SLC26A7: variants seen among roughly 807,000 people sequenced by gnomAD.
The protein encoded by SLC26A7 is solute carrier family 26 member 7, also known as anion exchange transporter.
Under a neutral mutation model 82.5 loss-of-function variants are expected in SLC26A7, and 59 were observed. That is an observed-to-expected ratio of 0.72 (90% CI 0.58 to 0.89). The LOEUF is 0.89. Ranked by LOEUF, SLC26A7 falls within the 40% of genes least tolerant of loss-of-function variation. The pLI is 0.00. For missense variants in SLC26A7, 820 were observed against 793.0 expected, an observed-to-expected ratio of 1.03 and a Z score of -0.41; for synonymous variants, 271 against 274.3, an observed-to-expected ratio of 0.99 and a Z score of 0.12.
At chr8:91,297,335 C>G (rs1812043954) in intron 4 of SLC26A7, among the ~76,000 whole-genome samples, 1 of 151,284 alleles carries the variant, frequency 6.6e-6, no homozygotes, top group Non-Finnish European at 1.5e-5. Flanking sequence ...ATCAGGTATT[C>G]TGTTATTATC....
rs771662668 is a variant in SLC26A7 at position 91,218,966 on chromosome 8, G to A, written c.-73G>A. The A allele has an allele frequency of 2.0e-5, 31 of 1,550,758 alleles. No individual in the cohort carries two copies. Among genetic ancestry groups the A allele is most frequent in the South Asian group, 3.6e-5 (3 of 83,994 alleles). ...TGTTCTTACAAATGTTTTACTCAAC[G>A]TGACCCTAACCTCTTTGGAATTGCT... is the stretch of plus-strand genomic sequence containing the variant. On this transcript the variant is annotated 5_prime_UTR_variant, in exon 2 of 6. Coordinates refer to the SLC26A7 transcript ENST00000522862.
At chr8:91,280,972 C>T (rs1442196053) in intron 2 of SLC26A7, among the ~76,000 whole-genome samples, 2 of 152,170 alleles carry the variant, frequency 1.3e-5, no homozygotes, top group African/African-American at 2.4e-5. Flanking sequence ...TTCCTAACTG[C>T]TCTTTCTGTC....
intron 5 of SLC26A7, among the ~76,000 whole-genome samples, chr8:91,333,913 G>T (rs1203477440): frequency 6.6e-6 from 1 of 152,068 alleles, no homozygotes; most frequent in East Asian, 1.9e-4. Context: ...TTGCTTCTGG[G>T]GTTTGAGGAG....
chr8:91,226,045 ATG>A (rs1301295589), intron 2 of SLC26A7, among the ~76,000 whole-genome samples: 1 of 151,952 alleles, frequency 6.6e-6, no homozygotes, highest in Non-Finnish European at 1.5e-5. Flanking sequence ...TCTCAAAACC[ATG>A]TGTTGCAGAG....
At chr8:91,348,477 A>G in intron 9 of SLC26A7, 1 of 456,230 alleles carries the variant, frequency 2.2e-6, no homozygotes, top group Non-Finnish European at 2.9e-6. Context: ...TGAGAACATA[A>G]CAAGAATAAA....
chr8:91,274,493 A>C (rs1270064959), intron 2 of SLC26A7, among the ~76,000 whole-genome samples: 2 of 152,218 alleles, frequency 1.3e-5, no homozygotes, highest in Non-Finnish European at 2.9e-5. Flanking sequence ...AGAAAGAGAG[A>C]GAGGAAGAAA....
intron 4 of SLC26A7, among the ~76,000 whole-genome samples, chr8:91,302,474 T>A (rs1171970775): frequency 6.6e-6 from 1 of 152,152 alleles, no homozygotes; most frequent in Non-Finnish European, 1.5e-5. Context: ...ATTGCTAGTA[T>A]AAACAAAGTG....
rs1203887788 is a variant in SLC26A7, at chr8:91,383,775, C to G, written c.1676-5563C>G. The stretch of plus-strand genomic sequence containing the variant: ...GACTTGCTGGGTCTACCTCCACTGC[C>G]TAGTCATCTACTTAACTTCCAATCA... On this transcript the variant is annotated intron_variant, in intron 15 of 18. Transcript: ENST00000276609. 3.3e-5 allele frequency among the ~76,000 whole-genome samples: 5 copies of G among 152,292 alleles called. 1 individual carries two copies. The South Asian group carries it at 8.3e-4, about 25-fold the overall frequency.
At chr8:91,279,141 A>ATATATATATATG (rs1811494038) in intron 2 of SLC26A7, among the ~76,000 whole-genome samples, 1 of 108,698 alleles carries the variant, frequency 9.2e-6, no homozygotes, top group Non-Finnish European at 1.9e-5. Flanking sequence ...ATATATATAT[A>ATATATATATATG]TATATATATA....
At chr8:91,350,525 C>T (rs1006479414) in intron 9 of SLC26A7, among the ~76,000 whole-genome samples, 1 of 151,910 alleles carries the variant, frequency 6.6e-6, no homozygotes, top group African/African-American at 2.4e-5. Context: ...CTTTTGTAGT[C>T]AATTCTTTGC....
intron 4 of SLC26A7, among the ~76,000 whole-genome samples, chr8:91,317,999 AAATT>A (rs1174179890): frequency 6.9e-6 from 1 of 145,932 alleles, no homozygotes; most frequent in Non-Finnish European, 1.5e-5. Flanking sequence ...AAATAAAATT[AAATT>A]AAAAAAAAAA....
intron 11 of SLC26A7, among the ~76,000 whole-genome samples, chr8:91,361,781 A>G (rs1278492814): frequency 6.6e-6 from 1 of 152,128 alleles, no homozygotes; most frequent in African/African-American, 2.4e-5. Flanking sequence ...CTGATATTTT[A>G]GCTTTCATAA....
At chr8:91,375,547 A>G (rs558233578) in intron 15 of SLC26A7, among the ~76,000 whole-genome samples, 2 of 152,102 alleles carry the variant, frequency 1.3e-5, no homozygotes, top group Non-Finnish European at 2.9e-5. Flanking sequence ...AAGGCTAAAA[A>G]CAGACCCCCA....
At chr8:91,217,009 T>A (rs1193986571) in intron 1 of SLC26A7, among the ~76,000 whole-genome samples, 1 of 152,166 alleles carries the variant, frequency 6.6e-6, no homozygotes, top group Non-Finnish European at 1.5e-5. Context: ...ACCTTTTTCT[T>A]ATATTGTGAA....
At chr8:91,382,087 C>G (rs1234249402) in intron 15 of SLC26A7, among the ~76,000 whole-genome samples, 2 of 152,068 alleles carry the variant, frequency 1.3e-5, no homozygotes, top group East Asian at 3.9e-4. Context: ...CCTCAGAATC[C>G]TCTCAACATG....
At chr8:91,360,800 C>T (rs1455028278) in intron 11 of SLC26A7, among the ~76,000 whole-genome samples, 11 of 152,128 alleles carry the variant, frequency 7.2e-5, no homozygotes, top group African/African-American at 1.7e-4. Context: ...CTGCCACACT[C>T]GGGCAGATTC....
In SLC26A7 at chr8:91,243,217, TA is replaced by T. The variant is rs1378551484; in HGVS notation, c.-33-6400del. Reference sequence around the variant, plus strand: ...TGGACAGTTTAAAAGCCATATTACATAATAGATAACTTCCATCTCTAGCCAG... The same window carrying T: ...TGGACAGTTTAAAAGCCATATTACATATAGATAACTTCCATCTCTAGCCAG... On this transcript the variant is annotated intron_variant, in intron 2 of 5. Transcript: ENST00000522862. 7.2e-5 allele frequency among the ~76,000 whole-genome samples: 11 copies of T among 152,282 alleles called. No individual in the cohort carries two copies. In the East Asian group the frequency reaches 1.7e-3, roughly 24 times the overall value.
At position 91,395,083 on chromosome 8, in the gene SLC26A7, C is replaced by G; in HGVS notation, c.1957C>G (p.His653Asp). 6.2e-6 allele frequency: 10 copies of G among 1,613,404 alleles called. No homozygotes were observed. Among genetic ancestry groups the G allele is most frequent in the Non-Finnish European group, 8.5e-6 (10 of 1,179,402 alleles). Residue 653 changes from histidine (H) to aspartate (D), a missense_variant, in exon 19 of 19, where the codon CAC (histidine) becomes GAC (aspartate). Transcript: ENST00000276609. ...SNKNLSKLSD[H>D]SEV ...TCAGAATTTGAGCAAACTCAGTGAC[C>G]ACAGTGAAGTCTGAGACCCTTTTGT...
intron 2 of SLC26A7, among the ~76,000 whole-genome samples, chr8:91,251,540 A>G (rs1175546101): frequency 6.6e-6 from 1 of 152,126 alleles, no homozygotes; most frequent in Non-Finnish European, 1.5e-5. Flanking sequence ...AAACTTTTTC[A>G]TGCTCATCTA....
Sources: allele counts gnomAD v4.1 joint callset (sites outside exome capture counted in the v4.1 genomes callset), GRCh38; gene constraint gnomAD v4.1.1; transcripts MANE v1.5; gene names NCBI Gene and HGNC (gene_info 2026-07-23, HGNC 2026-07-21).